Variants in SGCZ observed in about 807,000 individuals in gnomAD.
SGCZ encodes zeta-sarcoglycan.
Under a neutral mutation model 41.3 loss-of-function variants are expected in SGCZ, and 40 were observed. That is an observed-to-expected ratio of 0.97 (90% CI 0.75 to 1.26). The LOEUF (loss-of-function observed/expected upper bound fraction) is 1.26, where lower values mean the gene tolerates loss of function less well. Ranked by LOEUF, SGCZ falls within the 50% of genes most tolerant of loss-of-function variation. The probability of loss-of-function intolerance (pLI) is 0.00; values close to 1 mark genes in which losing one functional copy is unlikely to be tolerated. For synonymous variants in SGCZ, 206 were observed against 137.5 expected (o/e 1.50, Z -3.49); for missense variants, 552 against 369.8 (o/e 1.49, Z -4.04).
At chr8:14,198,712 A>G (rs138332533) in intron 4 of SGCZ, among the ~76,000 whole-genome samples, 6,003 of 152,248 alleles carry the variant, frequency 0.039, 135 homozygotes, top group Middle Eastern at 0.068. Context: ...AAACGGAGGG[A>G]CCAGCTGAAG....
At chr8:14,419,565 A>G (rs1253115464) in intron 2 of SGCZ, among the ~76,000 whole-genome samples, 1 of 151,950 alleles carries the variant, frequency 6.6e-6, no homozygotes, top group Non-Finnish European at 1.5e-5. Context: ...CAATATTCGT[A>G]AACATTTATA....
chr8:14,286,021 T>C (rs1186957491), intron 3 of SGCZ, among the ~76,000 whole-genome samples: 1 of 152,070 alleles, frequency 6.6e-6, no homozygotes, highest in African/African-American at 2.4e-5. Context: ...TTATTACTAA[T>C]AGGAACTATT....
At chr8:14,120,809 C>T (rs980644208) in intron 5 of SGCZ, among the ~76,000 whole-genome samples, 1 of 152,042 alleles carries the variant, frequency 6.6e-6, no homozygotes, top group African/African-American at 2.4e-5. Context: ...AGAAGTATAA[C>T]ATAACCATAT....
intron 4 of SGCZ, chr8:14,165,244 A>G (rs1167044709): frequency 6.6e-6 from 1 of 152,264 alleles, no homozygotes; most frequent in Non-Finnish European, 1.5e-5. Flanking sequence ...AATCCATTTT[A>G]TAGTACATCT....
chr8:14,827,338 G>C (rs558865475), intron 1 of SGCZ, among the ~76,000 whole-genome samples: 1 of 150,516 alleles, frequency 6.6e-6, no homozygotes, highest in South Asian at 2.1e-4. Flanking sequence ...CCAGGTTCAA[G>C]CGATTCTTCT....
chr8:14,992,318 C>A (rs555022847), intron 1 of SGCZ, among the ~76,000 whole-genome samples: 2 of 148,288 alleles, frequency 1.3e-5, no homozygotes, highest in Admixed American at 6.7e-5. Flanking sequence ...GATATTTACC[C>A]CTCACCCATC....
intron 3 of SGCZ, among the ~76,000 whole-genome samples, chr8:14,271,843 C>A (rs1214644130): frequency 6.6e-6 from 1 of 152,132 alleles, no homozygotes; most frequent in Non-Finnish European, 1.5e-5. Context: ...CTGTTAAAAG[C>A]CTCGATCTCA....
intron 2 of SGCZ, among the ~76,000 whole-genome samples, chr8:14,395,198 G>A (rs1293234054): frequency 6.6e-6 from 1 of 152,136 alleles, no homozygotes; most frequent in Non-Finnish European, 1.5e-5. Context: ...ACTGTAAAAT[G>A]TTTCCAATAC....
At chr8:14,772,780 G>C (rs1040486691) in intron 1 of SGCZ, among the ~76,000 whole-genome samples, 2 of 151,990 alleles carry the variant, frequency 1.3e-5, no homozygotes, top group African/African-American at 4.8e-5. Flanking sequence ...TGGCTGCATA[G>C]TATTCCATGG....
At chr8:14,791,821 C>T (rs1239309531) in intron 1 of SGCZ, among the ~76,000 whole-genome samples, 2 of 152,202 alleles carry the variant, frequency 1.3e-5, no homozygotes, top group African/African-American at 2.4e-5. Context: ...CTCCTCAGGA[C>T]ATTCTGTTTT....
chr8:14,404,984 T>G (rs1308744597), intron 2 of SGCZ, among the ~76,000 whole-genome samples: 2 of 152,220 alleles, frequency 1.3e-5, no homozygotes, highest in Admixed American at 1.3e-4. Flanking sequence ...CCAGGTGGCC[T>G]GTCCTTCGTG....
In SGCZ at chr8:15,103,493, T is replaced by C. The variant is rs149228644; in HGVS notation, c.39+134092A>G. Among the ~76,000 whole-genome samples the C allele has an allele frequency of 5.0e-3, 760 of 151,814 alleles. 9 individuals are homozygous for C. Among genetic ancestry groups the C allele is most frequent in the African/African-American group, 0.017 (714 of 41,426 alleles). On this transcript the variant is annotated intron_variant, in intron 1 of 7. Transcript: ENST00000382080. ...GAAGTAAAATCTCTTGTAAAACAAA[T>C]GGAAATAAAAAGAGAGAGTTATCAG...
rs5889524 is a variant in SGCZ, at chr8:14,241,542, C to CTT, written c.337-3865_337-3864dup. On this transcript the variant is annotated intron_variant, in intron 3 of 7. Transcript: ENST00000382080. The stretch of plus-strand genomic sequence containing the variant: ...TAGCATGATATACTAACATAAATAT[C>CTT]TTTTTTTTTTGGAAAAAGAAAATCT... 3.8e-4 allele frequency among the ~76,000 whole-genome samples: 56 copies of CTT among 147,746 alleles called. 1 individual carries two copies. Among genetic ancestry groups the CTT allele is most frequent in the South Asian group, 8.4e-4 (4 of 4,760 alleles).
At chr8:14,120,923 A>G (rs980604939) in intron 5 of SGCZ, among the ~76,000 whole-genome samples, 2 of 152,144 alleles carry the variant, frequency 1.3e-5, no homozygotes, top group Non-Finnish European at 2.9e-5. Context: ...GAACTGGACA[A>G]GCTGATTCTA....
chr8:14,459,404 C>A (rs536321775), intron 2 of SGCZ, among the ~76,000 whole-genome samples: 84 of 150,938 alleles, frequency 5.6e-4, no homozygotes, highest in Middle Eastern at 6.8e-3. Context: ...GTACCCTAAA[C>A]CTTAAAGTAT....
At chr8:14,494,080 T>C (rs1462213895) in intron 2 of SGCZ, among the ~76,000 whole-genome samples, 3 of 152,176 alleles carry the variant, frequency 2.0e-5, no homozygotes, top group Non-Finnish European at 4.4e-5. Context: ...TGTTCGCGTG[T>C]TTTCAGGAGG....
At chr8:15,131,444 T>C (rs570718611) in intron 1 of SGCZ, among the ~76,000 whole-genome samples, 44 of 152,324 alleles carry the variant, frequency 2.9e-4, no homozygotes, top group African/African-American at 1.0e-3. Context: ...AAACCTCTTT[T>C]CCTTTATAAA....
intron 2 of SGCZ, among the ~76,000 whole-genome samples, chr8:14,533,747 C>G (rs949696855): frequency 6.6e-6 from 1 of 151,854 alleles, no homozygotes; most frequent in Non-Finnish European, 1.5e-5. Flanking sequence ...AGTTTAAACA[C>G]CATTAACCAA....
chr8:14,816,565 G>A (rs1372850632), intron 1 of SGCZ, among the ~76,000 whole-genome samples: 1 of 152,190 alleles, frequency 6.6e-6, no homozygotes, highest in African/African-American at 2.4e-5. Context: ...ATGGAATGAT[G>A]TTGGATGGGA....
Sources: gnomAD v4.1 joint callset for allele counts (sites outside exome capture counted in the v4.1 genomes callset) on GRCh38, gnomAD v4.1.1 for gene constraint, MANE v1.5 for transcripts, NCBI Gene and HGNC (gene_info 2026-07-23, HGNC 2026-07-21) for gene names.